The following GAB2 variants were observed in gnomAD, a reference collection of about 807,000 sequenced individuals.
The protein encoded by GAB2 is GRB2 associated binding protein 2.
GAB2 carries 26 observed loss-of-function variants against 65.5 expected under a neutral mutation model. The observed-to-expected ratio is 0.40, with a 90% CI of 0.29 to 0.55. The LOEUF is 0.55. GAB2 is among the 20% of genes least tolerant of loss of function. GAB2 has a pLI of 0.53. For synonymous variants in GAB2, 321 were observed against 329.6 expected (o/e 0.97, Z 0.28); for missense variants, 884 against 875.8 (o/e 1.01, Z -0.12).
chr11:78,374,902 TTCAAA>T (rs940025930), intron 1 of GAB2, among the ~76,000 whole-genome samples: 1 of 152,196 alleles, frequency 6.6e-6, no homozygotes, highest in Non-Finnish European at 1.5e-5. Flanking sequence ...AAATTGGATC[TTCAAA>T]TCAAGAACAG....
At chr11:78,278,286 T>A (rs1289670578) in intron 2 of GAB2, among the ~76,000 whole-genome samples, 1 of 152,096 alleles carries the variant, frequency 6.6e-6, no homozygotes, top group Non-Finnish European at 1.5e-5. Context: ...GCCAGGCTGG[T>A]CTTGAACTCC....
At chr11:78,398,325 T>C (rs1856928524) in intron 1 of GAB2, among the ~76,000 whole-genome samples, 2 of 152,174 alleles carry the variant, frequency 1.3e-5, no homozygotes, top group Non-Finnish European at 2.9e-5. Context: ...CTATATGACA[T>C]GACAGGCCTG....
chr11:78,374,313 C>A (rs922586546), intron 1 of GAB2, among the ~76,000 whole-genome samples: 1 of 152,180 alleles, frequency 6.6e-6, no homozygotes, highest in Admixed American at 6.5e-5. Flanking sequence ...GTCTACAATA[C>A]AAATAATCCG....
intron 1 of GAB2, among the ~76,000 whole-genome samples, chr11:78,296,161 A>G (rs1866818347): frequency 6.6e-6 from 1 of 152,194 alleles, no homozygotes; most frequent in Non-Finnish European, 1.5e-5. Flanking sequence ...GAGCTTAGAC[A>G]GTAATGCTCA....
chr11:78,368,465 C>T (rs186128479), intron 1 of GAB2, among the ~76,000 whole-genome samples: 1 of 152,226 alleles, frequency 6.6e-6, no homozygotes, highest in Admixed American at 6.5e-5. Flanking sequence ...GCAGAAGTCA[C>T]TGAAATACAG....
intron 2 of GAB2, among the ~76,000 whole-genome samples, chr11:78,256,059 T>C (rs759243896): frequency 3.3e-5 from 5 of 151,994 alleles, no homozygotes; most frequent in African/African-American, 7.3e-5. Flanking sequence ...CAGTTTATCA[T>C]AGAGGGTTGC....
intron 1 of GAB2, among the ~76,000 whole-genome samples, chr11:78,371,539 C>T (rs761489307): frequency 2.0e-5 from 3 of 152,238 alleles, no homozygotes; most frequent in Non-Finnish European, 4.4e-5. Context: ...GACAACCTCA[C>T]GTTATACTGC....
intron 1 of GAB2, among the ~76,000 whole-genome samples, chr11:78,325,609 G>A (rs1449642050): frequency 2.0e-5 from 3 of 152,242 alleles, no homozygotes; most frequent in South Asian, 4.1e-4. Flanking sequence ...TCAGCCCTGG[G>A]GGTTTATGAT....
At chr11:78,343,037 T>C (rs555765056) in intron 1 of GAB2, among the ~76,000 whole-genome samples, 6 of 152,158 alleles carry the variant, frequency 3.9e-5, no homozygotes, top group Non-Finnish European at 8.8e-5. Context: ...GATGTGAATG[T>C]AGGTACCCTT....
chr11:78,416,957 G>A (rs1026642616), intron 1 of GAB2, among the ~76,000 whole-genome samples: 1 of 152,134 alleles, frequency 6.6e-6, no homozygotes, highest in Admixed American at 6.5e-5. Flanking sequence ...CCAGACACCC[G>A]GGAGCTGCCC....
chr11:78,397,843 A>G (rs1036731121), intron 1 of GAB2, among the ~76,000 whole-genome samples: 2 of 152,118 alleles, frequency 1.3e-5, no homozygotes, highest in African/African-American at 4.8e-5. Flanking sequence ...AGTATCTTCA[A>G]GTGGACCTCT....
chr11:78,307,545 C>T (rs12276539), intron 1 of GAB2, among the ~76,000 whole-genome samples: 1 of 149,410 alleles, frequency 6.7e-6, no homozygotes, highest in South Asian at 2.1e-4. Flanking sequence ...ATCTCTTGAG[C>T]CCAGGAGTTT....
At chr11:78,388,375 G>A (rs190385072) in intron 1 of GAB2, among the ~76,000 whole-genome samples, 1 of 149,878 alleles carries the variant, frequency 6.7e-6, no homozygotes, top group African/African-American at 2.5e-5. Context: ...TGTCTAGGGT[G>A]GAGTGCAGTG....
At chr11:78,231,336 G>GGTGTGTGTGTGT (rs58651538) in intron 3 of GAB2, among the ~76,000 whole-genome samples, 5,288 of 145,844 alleles carry the variant, frequency 0.036, 107 homozygotes, top group East Asian at 0.061. Context: ...GCGCGTGTGT[G>GGTGTGTGTGTGT]GTGTGTGTGT....
chr11:78,403,079 T>G (rs1442581725), intron 1 of GAB2, among the ~76,000 whole-genome samples: 1 of 152,230 alleles, frequency 6.6e-6, no homozygotes, highest in East Asian at 1.9e-4. Flanking sequence ...ACGCTGAATG[T>G]GTCAGTGCCT....
intron 3 of GAB2, among the ~76,000 whole-genome samples, chr11:78,242,779 T>G (rs949855316): frequency 2.0e-5 from 3 of 151,956 alleles, no homozygotes; most frequent in Non-Finnish European, 4.4e-5. Flanking sequence ...ATAAAACTGA[T>G]CAACAAAATG....
chr11:78,217,856 T>C lies in GAB2; in HGVS notation c.*1416A>G, dbSNP rs1453567434. The C allele has an allele frequency of 6.6e-6, 1 of 152,274 alleles. No individual in the cohort carries two copies. Among genetic ancestry groups the C allele is most frequent in the African/African-American group, 2.4e-5 (1 of 41,408 alleles). 9.4% of individuals were successfully genotyped at this position (152,274 alleles called of 1,614,324 possible). On this transcript the variant is annotated 3_prime_UTR_variant, in exon 10 of 10. Coordinates refer to ENST00000361507, the MANE Select transcript of GAB2 (RefSeq NM_080491.3). ...CTCGTTCCTACCCTGCGATCTGACA[T>C]ACGCCACAGCCCATGGGCACAAGCT...
At chr11:78,324,111 T>G (rs1280789193) in intron 1 of GAB2, among the ~76,000 whole-genome samples, 2 of 152,130 alleles carry the variant, frequency 1.3e-5, no homozygotes, top group East Asian at 3.9e-4. Flanking sequence ...TCTGAATTTT[T>G]TTTTTTTAAA....
intron 2 of GAB2, among the ~76,000 whole-genome samples, chr11:78,263,972 A>G (rs1417176097): frequency 1.3e-5 from 2 of 151,252 alleles, no homozygotes; most frequent in Non-Finnish European, 2.9e-5. Context: ...ATATTTTTCT[A>G]CTGTAAGGAA....
Sources: allele counts gnomAD v4.1 joint callset (sites outside exome capture counted in the v4.1 genomes callset), GRCh38; gene constraint gnomAD v4.1.1; transcripts MANE v1.5; gene names NCBI Gene and HGNC (gene_info 2026-07-23, HGNC 2026-07-21).